Variants in SIDT1 observed in about 807,000 individuals in gnomAD.
The protein encoded by SIDT1 is SID1 transmembrane family, member 1.
In SIDT1, 101 loss-of-function variants were observed where a neutral mutation model predicts 107.5. The observed-to-expected ratio is 0.94, with a 90% CI of 0.80 to 1.11. The LOEUF (loss-of-function observed/expected upper bound fraction) is 1.11. Ranked by LOEUF, SIDT1 falls within the 50% of genes least tolerant of loss-of-function variation. SIDT1 has a pLI of 0.00. For synonymous variants in SIDT1, 395 were observed against 398.2 expected (o/e 0.99, Z 0.10); for missense variants, 1,076 against 1,058.2 (o/e 1.02, Z -0.23).
At chr3:113,604,167 T>C in intron 13 of SIDT1, 134 bp downstream of exon 13, 4 of 595,988 alleles carry the variant, frequency 6.7e-6, no homozygotes, top group Non-Finnish European at 1.1e-5. Context: ...ACCAGCCAAC[T>C]ATCAGTAGAC....
intron 1 of SIDT1, among the ~76,000 whole-genome samples, chr3:113,544,478 C>T (rs113547367): frequency 0.042 from 6,418 of 152,224 alleles, 255 homozygotes; most frequent in African/African-American, 0.11. Context: ...GTGTGAGCTA[C>T]CACGCAAGGA....
chr3:113,632,148 G>A (rs1469685890), downstream of SIDT1, among the ~76,000 whole-genome samples: 4 of 152,090 alleles, frequency 2.6e-5, no homozygotes, highest in Non-Finnish European at 5.9e-5. Flanking sequence ...TCCTGTCCCG[G>A]CATTATAGTT....
chr3:113,635,311 C>T, the SIDT1 span, among the ~76,000 whole-genome samples: 1 of 152,170 alleles, frequency 6.6e-6, no homozygotes, highest in Non-Finnish European at 1.5e-5. Flanking sequence ...GCCTGGACAA[C>T]ATAGCAAGAT....
rs199694823 is a variant in SIDT1 at position 113,623,450 on chromosome 3, G to C, written c.2114G>C (p.Arg705Pro). The part of the protein sequence containing the change: ...WSFALFGLIY[R>P]PRDFASYMLG... The stretch of plus-strand genomic sequence containing the variant: ...AGCGCCCTCTTTGGATTGATATACC[G>C]CCCCAGGGACTTTGCTTCCTACATG... Residue 705 changes from arginine to proline, a missense_variant, in exon 22 of 25, where the codon CGC becomes CCC. By Grantham distance (103) the Arg-to-Pro change is moderately radical. Transcript: ENST00000264852. 4.3e-6 allele frequency: 7 copies of C among 1,613,822 alleles called. No homozygotes were observed. The African/African-American group carries it at 9.3e-5, about 22-fold the overall frequency.
chr3:113,609,315 C>T (rs549559886), intron 17 of SIDT1, among the ~76,000 whole-genome samples: 2 of 152,238 alleles, frequency 1.3e-5, no homozygotes, highest in Admixed American at 6.5e-5. Context: ...ATCCTCCTGC[C>T]TCTGCCTCCC....
At chr3:113,631,640 A>T (rs1430936802), downstream of SIDT1, among the ~76,000 whole-genome samples, 1 of 152,178 alleles carries the variant, frequency 6.6e-6, no homozygotes, top group Non-Finnish European at 1.5e-5. Flanking sequence ...ACCCCCATGA[A>T]TTCGAGGAAT....
chr3:113,535,543 T>A (rs1241184708), intron 1 of SIDT1, among the ~76,000 whole-genome samples: 1 of 152,248 alleles, frequency 6.6e-6, no homozygotes, highest in Non-Finnish European at 1.5e-5. Context: ...TGTGTTAACA[T>A]GTCCTTTATT....
chr3:113,566,584 T>C (rs1186165217), intron 2 of SIDT1, 43 bp downstream of exon 2: 2 of 1,595,460 alleles, frequency 1.3e-6, no homozygotes, highest in African/African-American at 1.3e-5. Flanking sequence ...TGTTTAGTTT[T>C]CTTCAATGTC....
intron 15 of SIDT1, among the ~76,000 whole-genome samples, chr3:113,607,637 C>G (rs1485644525): frequency 4.6e-5 from 7 of 152,216 alleles, no homozygotes; most frequent in Admixed American, 4.6e-4. Context: ...CAGAGCTGAA[C>G]CAGCGTTCGT....
intron 4 of SIDT1, among the ~76,000 whole-genome samples, chr3:113,578,564 C>A (rs1210868464): frequency 6.6e-6 from 1 of 151,476 alleles, no homozygotes; most frequent in African/African-American, 2.4e-5. Context: ...ATATGATATA[C>A]TGATCAGGTG....
intron 9 of SIDT1, among the ~76,000 whole-genome samples, chr3:113,585,572 A>G (rs1168105034): frequency 6.6e-6 from 1 of 152,218 alleles, no homozygotes; most frequent in East Asian, 1.9e-4. Flanking sequence ...CTCAACAAAA[A>G]GGCAACATGT....
intron 1 of SIDT1, among the ~76,000 whole-genome samples, chr3:113,545,771 A>G (rs1233711532): frequency 6.6e-6 from 1 of 152,232 alleles, no homozygotes; most frequent in East Asian, 1.9e-4. Context: ...GAAAGCCTGA[A>G]TAGTGAAACA....
intron 10 of SIDT1, among the ~76,000 whole-genome samples, chr3:113,599,377 A>G (rs1361761936): frequency 2.0e-5 from 3 of 152,250 alleles, no homozygotes; most frequent in East Asian, 1.9e-4. Flanking sequence ...TGAGTTTATT[A>G]CAGTGGAGAT....
At chr3:113,590,225 G>A (rs1944046333) in intron 9 of SIDT1, 2 of 152,198 alleles carry the variant, frequency 1.3e-5, no homozygotes, top group South Asian at 2.1e-4. Context: ...CCATTCAGGA[G>A]TTTGGTGTGT....
chr3:113,556,125 C>T (rs1015988542), intron 1 of SIDT1, among the ~76,000 whole-genome samples: 3 of 152,110 alleles, frequency 2.0e-5, no homozygotes, highest in African/African-American at 7.2e-5. Context: ...AGTGATTTGT[C>T]CAAGGCCTCC....
rs201371437 is a variant in SIDT1 at position 113,567,555 on chromosome 3, C to T, written c.360C>T (p.Tyr120=). 12 of 1,613,080 alleles carry T rather than the reference C, an allele frequency of 7.4e-6. No individual in the cohort carries two copies. In the East Asian group the frequency reaches 2.2e-4, roughly 30 times the overall value. ...LLFQGLYQRS[Y]NYQEVSRTLC... ...GCTGCTTCAGATACCAGAGGAGCTA[C>T]AACTATCAAGAAGTGAGCCGCACCT... The change falls in exon 3 of 25, where the codon TAC becomes TAT. Residue 120 remains tyrosine (Y), a synonymous_variant. Coordinates refer to ENST00000264852, the MANE Select transcript of SIDT1 (RefSeq NM_017699.3).
intron 23 of SIDT1, among the ~76,000 whole-genome samples, chr3:113,624,526 T>C (rs1946707408): frequency 6.6e-6 from 1 of 152,266 alleles, no homozygotes; most frequent in Non-Finnish European, 1.5e-5. Context: ...GGATTGTTTC[T>C]ATTTTTGTGT....
chr3:113,546,480 G>T (rs1420407063), intron 1 of SIDT1, among the ~76,000 whole-genome samples: 1 of 151,900 alleles, frequency 6.6e-6, no homozygotes, highest in Non-Finnish European at 1.5e-5. Flanking sequence ...TTATATTTCA[G>T]TTCCCTTTTT....
At chr3:113,627,577 G>C in intron 24 of SIDT1, 69 bp from the exon 25 acceptor site, 1 of 1,474,258 alleles carries the variant, frequency 6.8e-7, no homozygotes. Context: ...GTGCATCTCA[G>C]AGAGAAAACA....
Sources: allele counts gnomAD v4.1 joint callset (sites outside exome capture counted in the v4.1 genomes callset), GRCh38; gene constraint gnomAD v4.1.1; transcripts MANE v1.5; gene names NCBI Gene and HGNC (gene_info 2026-07-23, HGNC 2026-07-21).